MTMR7: variants seen among roughly 807,000 people sequenced by gnomAD.
The protein encoded by MTMR7 is phosphatidylinositol-3-phosphate phosphatase MTMR7.
In MTMR7, 76 loss-of-function variants were observed where a neutral mutation model predicts 81.2. The ratio of observed to expected loss-of-function variants is 0.94; its 90% CI spans 0.78 to 1.13. MTMR7 has a LOEUF of 1.13. MTMR7 is among the 50% of genes most tolerant of loss of function. The pLI is 0.00. For missense variants in MTMR7, 1,044 were observed against 820.0 expected, an observed-to-expected ratio of 1.27 and a Z score of -3.34; for synonymous variants, 372 against 289.8, an observed-to-expected ratio of 1.28 and a Z score of -2.88.
chr8:17,358,161 C>A (rs1204549381), intron 4 of MTMR7, among the ~76,000 whole-genome samples: 2 of 151,898 alleles, frequency 1.3e-5, no homozygotes, highest in Admixed American at 6.6e-5. Context: ...AAAAATCTAA[C>A]CAAACTCAGC....
chr8:17,390,638 A>G (rs188569740), intron 1 of MTMR7, among the ~76,000 whole-genome samples: 1 of 152,028 alleles, frequency 6.6e-6, no homozygotes, highest in East Asian at 2.0e-4. Context: ...TGGGTAATTT[A>G]TAAAGGAAAG....
intron 3 of MTMR7, among the ~76,000 whole-genome samples, chr8:17,364,870 C>T (rs922538944): frequency 6.6e-6 from 1 of 152,138 alleles, no homozygotes; most frequent in African/African-American, 2.4e-5. Flanking sequence ...AGTGCTGCAA[C>T]GAAAATGTGA....
Position 17,304,807 on chromosome 8 carries a change from G to C in MTMR7, c.1353-288C>G, listed in dbSNP as rs142556570. Among the ~76,000 whole-genome samples the C allele has an allele frequency of 1.0e-3, 153 of 148,546 alleles. 1 individual carries two copies. The highest frequency in any genetic ancestry group is 3.6e-3 in the African/African-American group (142 of 39,054). ...TGGGGGGAGTTTTTTCCCCCAAATA[G>C]TCATTGGACATTTATAATTTGTCAC... On this transcript the variant is annotated intron_variant, in intron 11 of 13. Coordinates refer to ENST00000180173, the MANE Select transcript of MTMR7 (RefSeq NM_004686.5).
chr8:17,370,896 C>CG lies in MTMR7; in HGVS notation c.310+140dup, dbSNP rs144317932. The stretch of plus-strand genomic sequence containing the variant: ...AGAAACTCTGTATCAGATGATCATT[C>CG]GGGCTTATCCTCTCCTGAGAACGAG... On this transcript the variant is annotated intron_variant, in intron 3 of 13. Coordinates refer to ENST00000180173, the MANE Select transcript of MTMR7 (RefSeq NM_004686.5). 5,529 of 726,516 alleles carry CG rather than the reference C, an allele frequency of 7.6e-3. 146 individuals are homozygous for CG. Among genetic ancestry groups the CG allele is most frequent in the East Asian group, 0.064 (2,176 of 33,834 alleles). The allele number at this position is 726,516 out of a possible 1,614,324, so 45.0% of individuals were successfully genotyped here. A position where few individuals can be genotyped will look rare whatever the true frequency, so the allele number is the denominator to read the frequency against.
At chr8:17,331,365 C>CA in intron 6 of MTMR7, 83 bp from the exon 7 acceptor site, 1 of 1,371,614 alleles carries the variant, frequency 7.3e-7, no homozygotes, top group South Asian at 1.5e-5. Context: ...CATGGATACC[C>CA]AATCAAAGCA....
chr8:17,396,493 T>G (rs1017629225), intron 1 of MTMR7, among the ~76,000 whole-genome samples: 10 of 152,108 alleles, frequency 6.6e-5, no homozygotes, highest in African/African-American at 2.4e-4. Context: ...TGCCCTACCA[T>G]AGCAAAGCAA....
At chr8:17,393,075 G>C (rs561933765) in intron 1 of MTMR7, among the ~76,000 whole-genome samples, 85 of 152,256 alleles carry the variant, frequency 5.6e-4, no homozygotes, top group African/African-American at 1.9e-3. Context: ...GCTAAGGATA[G>C]ACAAAGATAT....
intron 1 of MTMR7, among the ~76,000 whole-genome samples, chr8:17,379,978 AGAGTAATTAAGGAAGAGCT>A (rs1177887087): frequency 6.6e-6 from 1 of 152,080 alleles, no homozygotes. Context: ...GGAGGAGGGG[AGAGTAATTAAGGAAGAGCT>A]AGGTAATTAA....
chr8:17,331,227 T>A lies in MTMR7; in HGVS notation c.788A>T (p.Tyr263Phe), dbSNP rs773915687. The change falls in exon 7 of 14, where the codon TAT (tyrosine) becomes TTT (phenylalanine). Residue 263 changes from tyrosine (Y) to phenylalanine (F), a missense_variant. By Grantham distance (22) the Tyr-to-Phe change is conservative. Transcript: ENST00000180173. ...AGKGYENEDN[Y>F]SNIKFQFIGI... ...GATAAACTGAAACTTGATATTGGAATAATTGTCTTCATTCTCATAGCCTTT... is the reference window on the plus strand; with the variant it reads ...GATAAACTGAAACTTGATATTGGAAAAATTGTCTTCATTCTCATAGCCTTT... 14 of 1,612,626 alleles carry A rather than the reference T, an allele frequency of 8.7e-6. No homozygotes were observed. The highest frequency in any genetic ancestry group is 1.1e-5 in the Non-Finnish European group (13 of 1,179,600).
intron 1 of MTMR7, among the ~76,000 whole-genome samples, chr8:17,376,865 T>A (rs1820605580): frequency 6.6e-6 from 1 of 152,118 alleles, no homozygotes; most frequent in Admixed American, 6.6e-5. Context: ...TTTGGATAAA[T>A]ATTTGTTTTT....
At chr8:17,379,601 C>T (rs1442868123) in intron 1 of MTMR7, among the ~76,000 whole-genome samples, 1 of 152,146 alleles carries the variant, frequency 6.6e-6, no homozygotes, top group Non-Finnish European at 1.5e-5. Context: ...CTTTCGCCCC[C>T]AGCTTTTAGA....
intron 10 of MTMR7, 64 bp from the exon 11 acceptor site, chr8:17,306,021 T>TG (rs1162450657): frequency 2.2e-6 from 3 of 1,372,384 alleles, no homozygotes; most frequent in Non-Finnish European, 3.0e-6. Flanking sequence ...AAGCCATAAA[T>TG]GCAAAAACAA....
chr8:17,321,295 G>C (rs942143110), intron 7 of MTMR7, among the ~76,000 whole-genome samples: 1 of 152,236 alleles, frequency 6.6e-6, no homozygotes, highest in Admixed American at 6.5e-5. Context: ...TGTCCTGCCA[G>C]AGAGAATGTC....
At chr8:17,348,275 C>T (rs57543030) in intron 5 of MTMR7, among the ~76,000 whole-genome samples, 8,891 of 152,022 alleles carry the variant, frequency 0.058, 903 homozygotes, top group African/African-American at 0.2. Flanking sequence ...CAGTGGCTCA[C>T]GCCTGTAATC....
intron 8 of MTMR7, chr8:17,311,955 C>T: frequency 4.4e-6 from 1 of 227,584 alleles, no homozygotes; most frequent in Non-Finnish European, 8.6e-6. Flanking sequence ...TGAGTTTCCA[C>T]ATTAAGCCTT....
intron 3 of MTMR7, among the ~76,000 whole-genome samples, chr8:17,366,067 T>G (rs1440512293): frequency 2.0e-5 from 3 of 152,138 alleles, no homozygotes; most frequent in Non-Finnish European, 2.9e-5. Flanking sequence ...TCCTTCACTC[T>G]CAGATAACCC....
At chr8:17,309,512 C>T (rs1189317938) in intron 9 of MTMR7, among the ~76,000 whole-genome samples, 186 bp from the exon 10 acceptor site, 1 of 152,176 alleles carries the variant, frequency 6.6e-6, no homozygotes, top group African/African-American at 2.4e-5. Flanking sequence ...AGTTGAAGGT[C>T]ATCCATGGGA....
At chr8:17,409,341 C>T (rs1475014560) in intron 1 of MTMR7, among the ~76,000 whole-genome samples, 1 of 151,904 alleles carries the variant, frequency 6.6e-6, no homozygotes, top group African/African-American at 2.4e-5. Context: ...GTGCTTGTAG[C>T]CCCAGCTACT....
rs1430822050 is a variant in MTMR7 at position 17,377,236 on chromosome 8, T to C, written c.25-3996A>G. Reference sequence around the variant, plus strand: ...TTCTTTACACAGAAATCTTTAGTAATGGTTTCAACTTCTTATGTGGTTACA... The same window carrying C: ...TTCTTTACACAGAAATCTTTAGTAACGGTTTCAACTTCTTATGTGGTTACA... On this transcript the variant is annotated intron_variant, in intron 1 of 13. Coordinates refer to ENST00000180173, the MANE Select transcript of MTMR7 (RefSeq NM_004686.5). 2.6e-5 allele frequency among the ~76,000 whole-genome samples: 4 copies of C among 152,154 alleles called. No individual in the cohort carries two copies. The South Asian group carries it at 6.2e-4, about 24-fold the overall frequency.
Sources: gnomAD v4.1 joint callset for allele counts (sites outside exome capture counted in the v4.1 genomes callset) on GRCh38, gnomAD v4.1.1 for gene constraint, MANE v1.5 for transcripts, NCBI Gene and HGNC (gene_info 2026-07-23, HGNC 2026-07-21) for gene names.